The following VPS39 variants were observed in gnomAD, a reference collection of about 807,000 sequenced individuals.
The protein encoded by VPS39 is VPS39 subunit of HOPS complex.
In VPS39, 70 loss-of-function variants were observed where a neutral mutation model predicts 121.0. The observed-to-expected ratio is 0.58, with a 90% CI of 0.48 to 0.71. The LOEUF (loss-of-function observed/expected upper bound fraction) is 0.71. Among genes scored for constraint, VPS39 ranks in the 30% least tolerant of loss-of-function variants. The pLI, the probability that VPS39 is intolerant of heterozygous loss-of-function variation, is 0.00. For synonymous variants in VPS39, 378 were observed against 398.1 expected, an observed-to-expected ratio of 0.95 and a Z score of 0.60; for missense variants, 818 against 1,051.5, an observed-to-expected ratio of 0.78 and a Z score of 3.07.
Position 42,166,073 on chromosome 15 carries a change from CCACCCT to C in VPS39, c.1680+80_1680+85del. On this transcript the variant is annotated intron_variant, in intron 16 of 24. Transcript: ENST00000318006. ...CACCAATGAAGACAGATGCATGAAT[CCACCCT>C]CCTCTCCATCCACTGCTGTCTCAAG... 4 of 1,341,924 alleles carry C rather than the reference CCACCCT, an allele frequency of 3.0e-6. No homozygotes were observed. The South Asian group carries it at 4.8e-5, about 16-fold the overall frequency. The allele number at this position is 1,341,924 out of a possible 1,614,324, so 83.1% of individuals were successfully genotyped here.
chr15:42,186,714 A>C (rs2049710562), intron 7 of VPS39, among the ~76,000 whole-genome samples: 1 of 152,254 alleles, frequency 6.6e-6, no homozygotes, highest in African/African-American at 2.4e-5. Flanking sequence ...TTCATATACC[A>C]AGAAGTTGGC....
rs141180449 is a variant in VPS39, at chr15:42,206,168, G to A, written c.73+1913C>T. Among the ~76,000 whole-genome samples, 375 of 152,298 alleles carry A rather than the reference G, an allele frequency of 2.5e-3. 3 individuals are homozygous for A. The highest frequency in any genetic ancestry group is 7.7e-3 in the African/African-American group (318 of 41,562). Reference sequence around the variant, plus strand: ...TGATTTCTATTTCCCAGGAGACAGAGTATGTTGTCTCTAAGACATTTACAC... The same window carrying A: ...TGATTTCTATTTCCCAGGAGACAGAATATGTTGTCTCTAAGACATTTACAC... On this transcript the variant is annotated intron_variant, in intron 1 of 24. Transcript: ENST00000318006.
intron 24 of VPS39, 83 bp downstream of exon 24, chr15:42,161,599 G>A (rs772659416): frequency 7.2e-7 from 1 of 1,379,770 alleles, no homozygotes; most frequent in East Asian, 2.3e-5. Context: ...CTCTGTTAAA[G>A]GGCAGAAATC....
At position 42,163,517 on chromosome 15, in the gene VPS39, G is replaced by C. The variant is rs781067889; in HGVS notation, c.2129+109C>G. The C allele has an allele frequency of 2.0e-6, 3 of 1,528,640 alleles. No individual in the cohort carries two copies. The Admixed American group carries it at 5.2e-5, about 26-fold the overall frequency. The allele number at this position is 1,528,640 out of a possible 1,614,324, so 94.7% of individuals were successfully genotyped here. Reference sequence around the variant, plus strand: ...CAAAACTGCGGGCCAGGACGGAGGCGATTCTTGCTCCCGCAGTGGAGTATG... The same window carrying C: ...CAAAACTGCGGGCCAGGACGGAGGCCATTCTTGCTCCCGCAGTGGAGTATG... On this transcript the variant is annotated intron_variant, in intron 20 of 24. Transcript: ENST00000318006.
intron 8 of VPS39, among the ~76,000 whole-genome samples, chr15:42,183,136 T>C (rs1009380654): frequency 6.6e-6 from 1 of 151,748 alleles, no homozygotes; most frequent in African/African-American, 2.4e-5. Flanking sequence ...AGTCTTGCTC[T>C]GTCACCCACG....
rs2050217945 is a variant in VPS39 at position 42,208,196 on chromosome 15, T to C, written c.-43A>G. Reference sequence around the variant, plus strand: ...TGCCACCGCCGTCTCGCCCAGAGTGTTCCGGGCCGGGCTGGGGTCCGGAAC... The same window carrying C: ...TGCCACCGCCGTCTCGCCCAGAGTGCTCCGGGCCGGGCTGGGGTCCGGAAC... On this transcript the variant is annotated 5_prime_UTR_variant, in exon 1 of 25. Transcript: ENST00000318006. The C allele has an allele frequency of 1.3e-6, 2 of 1,553,158 alleles. No homozygotes were observed. The highest frequency in any genetic ancestry group is 1.4e-5 in the African/African-American group (1 of 73,244).
At chr15:42,179,643 AAG>A (rs1419009650) in intron 8 of VPS39, among the ~76,000 whole-genome samples, 1 of 150,758 alleles carries the variant, frequency 6.6e-6, no homozygotes, top group Admixed American at 6.6e-5. Flanking sequence ...ATAAAAAAAA[AAG>A]AAATAAAAAA....
intron 11 of VPS39, among the ~76,000 whole-genome samples, chr15:42,172,961 A>C (rs1249652387): frequency 6.6e-6 from 1 of 152,214 alleles, no homozygotes; most frequent in Non-Finnish European, 1.5e-5. Flanking sequence ...AAAAAAGGCA[A>C]AGCAATGAAG....
At chr15:42,206,717 T>C (rs904393383) in intron 1 of VPS39, among the ~76,000 whole-genome samples, 13 of 152,196 alleles carry the variant, frequency 8.5e-5, no homozygotes, top group Non-Finnish European at 5.9e-5. Flanking sequence ...TGTTCACGTG[T>C]ATTTGTCCCC....
intron 5 of VPS39, among the ~76,000 whole-genome samples, chr15:42,188,506 T>C (rs568807003): frequency 1.3e-5 from 2 of 152,352 alleles, no homozygotes; most frequent in South Asian, 2.1e-4. Flanking sequence ...CTTCATGATA[T>C]TGTTACAGTC....
At chr15:42,203,253 G>A (rs2050102854) in intron 1 of VPS39, among the ~76,000 whole-genome samples, 1 of 152,082 alleles carries the variant, frequency 6.6e-6, no homozygotes, top group Non-Finnish European at 1.5e-5. Context: ...CAGATCACCT[G>A]AGGTCAGGAG....
intron 2 of VPS39, 32 bp from the exon 3 acceptor site, chr15:42,191,592 A>T (rs2049828519): frequency 6.3e-7 from 1 of 1,589,038 alleles, no homozygotes; most frequent in African/African-American, 1.3e-5. Context: ...TGGTAGTTCC[A>T]AATACAGGGA....
chr15:42,190,787 T>C (rs933789268), intron 4 of VPS39, among the ~76,000 whole-genome samples: 1 of 152,232 alleles, frequency 6.6e-6, no homozygotes, highest in Non-Finnish European at 1.5e-5. Context: ...TTACTTCCTG[T>C]CATTTAGTCT....
rs113175757 is a variant in VPS39, at chr15:42,184,647, C to T, written c.588G>A (p.Glu196=). The T allele has an allele frequency of 3.2e-4, 510 of 1,614,132 alleles. No individual in the cohort carries two copies. The highest frequency in any genetic ancestry group is 2.8e-3 in the Middle Eastern group (17 of 6,062). Residue 196 remains glutamate, a synonymous_variant, in exon 8 of 25, where the codon GAG becomes GAA. Coordinates refer to ENST00000318006, the MANE Select transcript of VPS39 (RefSeq NM_015289.5). ...CATCTGCCAGAGGTGCAACTAAGGG[C>T]TCCAGCTGTTTTCCTGTTGGAAAGA... ...KELFPTGKQL[E]PLVAPLADGK... is the part of the protein sequence containing the mutation.
chr15:42,182,972 A>G (rs1464540794), intron 8 of VPS39, among the ~76,000 whole-genome samples: 1 of 152,212 alleles, frequency 6.6e-6, no homozygotes, highest in African/African-American at 2.4e-5. Flanking sequence ...ATAAAGCTCC[A>G]TAAGCCCCTC....
chr15:42,190,972 T>C (rs746392402), intron 4 of VPS39, among the ~76,000 whole-genome samples, 153 bp downstream of exon 4: 13 of 152,254 alleles, frequency 8.5e-5, no homozygotes, highest in Non-Finnish European at 1.6e-4. Context: ...TGGAGGATGC[T>C]GCTGCCTTTA....
At chr15:42,164,541 G>T in intron 18 of VPS39, 55 bp from the exon 19 acceptor site, 2 of 1,599,954 alleles carry the variant, frequency 1.3e-6, no homozygotes, top group Non-Finnish European at 1.7e-6. Flanking sequence ...GCAATGTAGG[G>T]TCATCAAGAA....
Position 42,163,373 on chromosome 15 carries a change from G to A in VPS39, c.2152C>T (p.Arg718Ter), listed in dbSNP as rs773894580. Residue 718 changes from arginine to a stop codon, truncating the protein, a stop_gained, in exon 21 of 25, where the codon CGA becomes TGA. Transcript: ENST00000318006. LOFTEE classifies it high-confidence loss of function. Reference sequence around the variant, plus strand: ...ACATCTTTGTTGCCATCTTTGTTTCGGTCATAGTGTTTGTGGCAGTACCTG... The same window carrying A: ...ACATCTTTGTTGCCATCTTTGTTTCAGTCATAGTGTTTGTGGCAGTACCTG... ...AEEYCHKHYD[R>*]NKDGNKDVYL... 2.5e-6 allele frequency: 4 copies of A among 1,614,014 alleles called. No homozygotes were observed. Among genetic ancestry groups the A allele is most frequent in the East Asian group, 2.2e-5 (1 of 44,894 alleles).
chr15:42,169,092 C>A (rs1161961134), intron 12 of VPS39, among the ~76,000 whole-genome samples: 2 of 152,092 alleles, frequency 1.3e-5, no homozygotes, highest in African/African-American at 4.8e-5. Flanking sequence ...AATCTAAATA[C>A]CTCCCTAAAA....
Sources: allele counts gnomAD v4.1 joint callset (sites outside exome capture counted in the v4.1 genomes callset), GRCh38; gene constraint gnomAD v4.1.1; transcripts MANE v1.5; gene names NCBI Gene and HGNC (gene_info 2026-07-23, HGNC 2026-07-21).